PRPF18: variants seen among roughly 807,000 people sequenced by gnomAD.
PRPF18 encodes the protein pre-mRNA processing factor 18.
PRPF18 carries 38 observed loss-of-function variants against 46.5 expected under a neutral mutation model. The ratio of observed to expected loss-of-function variants is 0.82; its 90% CI spans 0.63 to 1.07. PRPF18 has a LOEUF of 1.07. Ranked by LOEUF, PRPF18 falls within the 50% of genes least tolerant of loss-of-function variation. PRPF18 has a pLI of 0.00. For synonymous variants in PRPF18, 152 were observed against 146.7 expected, an observed-to-expected ratio of 1.04 and a Z score of -0.26; for missense variants, 263 against 410.0, an observed-to-expected ratio of 0.64 and a Z score of 3.10.
intron 6 of PRPF18, among the ~76,000 whole-genome samples, chr10:13,612,732 A>G (rs1041259900): frequency 5.5e-5 from 8 of 146,528 alleles, no homozygotes; most frequent in Admixed American, 1.4e-4. Context: ...TCCTGGGCTC[A>G]TCAACCTCCC....
chr10:13,600,256 G>A lies in PRPF18; in HGVS notation c.157G>A (p.Glu53Lys). 1 of 1,608,916 alleles carries A rather than the reference G, an allele frequency of 6.2e-7. No individual in the cohort carries two copies. Among genetic ancestry groups the A allele is most frequent in the Non-Finnish European group, 8.5e-7 (1 of 1,177,794 alleles). The change falls in exon 3 of 10, where the codon GAG becomes AAG. Residue 53 changes from glutamate to lysine, a missense_variant. By Grantham distance (56) the Glu-to-Lys change is moderately conservative (BLOSUM62 1). Around this residue, in one of 4 missense-constraint regions of PRPF18, gnomAD observed 71 missense variants for 69.2 expected, o/e 1.03. Coordinates refer to ENST00000378572, the MANE Select transcript of PRPF18 (RefSeq NM_003675.4). ...ERCGYKIQPK[E>K]EDQKPLTSSN... ...GCTATTAATATAGATACAGCCAAAA[G>A]AGGAGGACCAGAAACCATTAACTTC...
At chr10:13,601,235 G>A (rs553714161) in intron 3 of PRPF18, among the ~76,000 whole-genome samples, 1 of 152,196 alleles carries the variant, frequency 6.6e-6, no homozygotes, top group African/African-American at 2.4e-5. Context: ...GATTTTTAGG[G>A]CAAAGACTAC....
chr10:13,633,991 A>T (rs1399672623), downstream of PRPF18, among the ~76,000 whole-genome samples: 1 of 152,204 alleles, frequency 6.6e-6, no homozygotes, highest in African/African-American at 2.4e-5. Flanking sequence ...TAGTCCTTTA[A>T]TGGTTAACAG....
intron 9 of PRPF18, among the ~76,000 whole-genome samples, chr10:13,624,559 A>G (rs2080470145): frequency 6.6e-6 from 1 of 152,202 alleles, no homozygotes; most frequent in South Asian, 2.1e-4. Context: ...CTAGCAGAAA[A>G]TCGGGTTGCT....
chr10:13,654,361 C>T, the PRPF18 span: 67 of 1,109,074 alleles, frequency 6.0e-5, no homozygotes, highest in Middle Eastern at 3.9e-4. Context: ...AGGATCTGAA[C>T]GTCTATGACA....
chr10:13,651,235 A>G, the PRPF18 span: 1 of 152,262 alleles, frequency 6.6e-6, no homozygotes, highest in East Asian at 1.9e-4. Context: ...GCTTATGGAC[A>G]TTTGGAAAAG....
chr10:13,588,441 G>A (rs537899751), intron 1 of PRPF18, among the ~76,000 whole-genome samples: 222 of 151,820 alleles, frequency 1.5e-3, no homozygotes, highest in South Asian at 9.4e-3. Flanking sequence ...GCCAGGTGTG[G>A]TGGTGCGCGC....
chr10:13,654,244 A>G, the PRPF18 span: 21 of 625,608 alleles, frequency 3.4e-5, no homozygotes, highest in Middle Eastern at 2.7e-4. Context: ...CAGCCAGGAA[A>G]AGGAGTAGGC....
chr10:13,652,013 T>C, the PRPF18 span: 32 of 1,094,160 alleles, frequency 2.9e-5, no homozygotes, highest in Non-Finnish European at 4.1e-5. Context: ...AGAAGAGAGG[T>C]CATGTTACAG....
Position 13,587,346 on chromosome 10 carries a change from T to G in PRPF18, c.66+194T>G, listed in dbSNP as rs2079889694. 4.8e-6 allele frequency: 3 copies of G among 630,732 alleles called. No homozygotes were observed. The African/African-American group carries it at 5.5e-5, about 12-fold the overall frequency. 39.1% of individuals were successfully genotyped at this position (630,732 alleles called of 1,614,324 possible). The stretch of plus-strand genomic sequence containing the variant: ...ACTGTTGAGGCTGGAGAATAGGGTC[T>G]GAGAGCAGGGAACTTGAGTACAATT... On this transcript the variant is annotated intron_variant, in intron 1 of 9. Coordinates refer to ENST00000378572, the MANE Select transcript of PRPF18 (RefSeq NM_003675.4).
the PRPF18 span, chr10:13,642,671 G>A: frequency 5.3e-5 from 8 of 152,136 alleles, no homozygotes; most frequent in Non-Finnish European, 1.0e-4. Context: ...AAGATGATAC[G>A]CTAATTTCCT....
chr10:13,591,190 G>A (rs141134117), intron 1 of PRPF18, among the ~76,000 whole-genome samples: 3 of 152,204 alleles, frequency 2.0e-5, no homozygotes, highest in African/African-American at 7.2e-5. Context: ...TGTATCCATG[G>A]GAAGACAGTC....
At chr10:13,655,313 T>C in the PRPF18 span, 85,649 of 152,044 alleles carry the variant, frequency 0.56, 25,802 homozygotes, top group African/African-American at 0.78. Context: ...GCTGCAGTTT[T>C]GATAGAACAT....
chr10:13,590,620 CAAA>C (rs35395677), intron 1 of PRPF18, among the ~76,000 whole-genome samples: 39 of 84,420 alleles, frequency 4.6e-4, no homozygotes, highest in African/African-American at 1.4e-3. Context: ...GACTCCATCT[CAAA>C]AAAAAAAAAA....
At chr10:13,623,042 A>G (rs2080442834) in intron 9 of PRPF18, among the ~76,000 whole-genome samples, 1 of 151,998 alleles carries the variant, frequency 6.6e-6, no homozygotes, top group Admixed American at 6.6e-5. Flanking sequence ...ACTAAAAAAA[A>G]TACAAAAAAT....
In PRPF18 at chr10:13,610,313, T is replaced by TCGATTTTATTTATTTACTCCC. The variant is rs1180807007; in HGVS notation, c.510+130_510+131insATTTTATTTATTTACTCCCCG. ...CCTTGGTCTTTTGTTTATTTACTCC[T>TCGATTTTATTTATTTACTCCC]CGCTTTTATTTATTTACTCCCCTTT... On this transcript the variant is annotated intron_variant, in intron 5 of 9. Coordinates refer to ENST00000378572, the MANE Select transcript of PRPF18 (RefSeq NM_003675.4). 9.4e-6 allele frequency: 10 copies of TCGATTTTATTTATTTACTCCC among 1,060,236 alleles called. No individual in the cohort carries two copies. In the East Asian group the frequency reaches 2.0e-4, roughly 22 times the overall value. 65.7% of individuals were successfully genotyped at this position (1,060,236 alleles called of 1,614,324 possible). A position where few individuals can be genotyped will look rare whatever the true frequency, so the allele number is the denominator to read the frequency against.
chr10:13,644,519 TTC>T, the PRPF18 span: 6 of 152,338 alleles, frequency 3.9e-5, no homozygotes, highest in East Asian at 3.9e-4. Context: ...TGCTCTCCAT[TTC>T]TCTCTGTCCC....
intron 1 of PRPF18, among the ~76,000 whole-genome samples, chr10:13,594,310 G>A (rs1185621346): frequency 3.3e-5 from 5 of 152,192 alleles, no homozygotes; most frequent in Non-Finnish European, 7.3e-5. Flanking sequence ...TCTCCAGTCT[G>A]TTGCTGTATG....
chr10:13,628,022 C>T (rs563443413), intron 9 of PRPF18, among the ~76,000 whole-genome samples: 7 of 152,216 alleles, frequency 4.6e-5, no homozygotes, highest in Non-Finnish European at 1.0e-4. Context: ...CCATGGCTAC[C>T]GATCAAAGTT....
Sources: allele counts gnomAD v4.1 joint callset (sites outside exome capture counted in the v4.1 genomes callset), GRCh38; gene constraint gnomAD v4.1.1; regional missense constraint gnomAD v4.1.1; transcripts MANE v1.5; gene names NCBI Gene and HGNC (gene_info 2026-07-23, HGNC 2026-07-21).